The following PLCB4 variants were observed in gnomAD, a reference collection of about 807,000 sequenced individuals.
PLCB4 encodes the protein 1-phosphatidylinositol 4,5-bisphosphate phosphodiesterase beta-4.
In PLCB4, 77 loss-of-function variants were observed where a neutral mutation model predicts 178.8. That is an observed-to-expected ratio of 0.43 (90% CI 0.36 to 0.52). The LOEUF is 0.52. Ranked by LOEUF, PLCB4 falls within the 20% of genes least tolerant of loss-of-function variation. The probability of loss-of-function intolerance (pLI) is 0.00; values close to 1 mark genes in which losing one functional copy is unlikely to be tolerated. For synonymous variants in PLCB4, 496 were observed against 490.8 expected (o/e 1.01, Z -0.14); for missense variants, 1,024 against 1,453.4 (o/e 0.70, Z 4.80).
At chr20:9,380,835 G>A (rs2037081539) in intron 13 of PLCB4, among the ~76,000 whole-genome samples, 1 of 152,150 alleles carries the variant, frequency 6.6e-6, no homozygotes, top group African/African-American at 2.4e-5. Flanking sequence ...AGCCTTTGGC[G>A]TTATGTCTCA....
chr20:9,396,686 AG>A (rs1955889357), intron 19 of PLCB4, among the ~76,000 whole-genome samples: 1 of 152,240 alleles, frequency 6.6e-6, no homozygotes, highest in Admixed American at 6.5e-5. Flanking sequence ...TTGCAGATTC[AG>A]TTCTAGACCA....
chr20:9,437,577 A>G (rs1189426105), intron 30 of PLCB4, among the ~76,000 whole-genome samples: 1 of 152,150 alleles, frequency 6.6e-6, no homozygotes, highest in Non-Finnish European at 1.5e-5. Flanking sequence ...TGTGCTGGTT[A>G]TTTTAATTGG....
At chr20:9,193,069 A>G (rs2093425673) in intron 2 of PLCB4, among the ~76,000 whole-genome samples, 1 of 152,202 alleles carries the variant, frequency 6.6e-6, no homozygotes, top group African/African-American at 2.4e-5. Flanking sequence ...TTAACTATGC[A>G]TGTTCACTCA....
At chr20:9,098,739 A>ATG (rs764119420) in intron 2 of PLCB4, among the ~76,000 whole-genome samples, 10 of 49,254 alleles carry the variant, frequency 2.0e-4, no homozygotes, top group African/African-American at 6.5e-4. Context: ...ATATATACAT[A>ATG]TATGTGTGTG....
chr20:9,319,602 T>G (rs1425641664), intron 4 of PLCB4, among the ~76,000 whole-genome samples: 1 of 152,128 alleles, frequency 6.6e-6, no homozygotes, highest in Non-Finnish European at 1.5e-5. Context: ...GGTGTGTAAG[T>G]GTCAGTTGAG....
At chr20:9,364,996 G>A (rs2148252523) in intron 8 of PLCB4, among the ~76,000 whole-genome samples, 1 of 152,274 alleles carries the variant, frequency 6.6e-6, no homozygotes, top group South Asian at 2.1e-4. Context: ...GCTGGCTGCT[G>A]TCACCGTGCA....
At chr20:9,133,926 G>A (rs1412865515) in intron 2 of PLCB4, among the ~76,000 whole-genome samples, 3 of 152,158 alleles carry the variant, frequency 2.0e-5, no homozygotes, top group South Asian at 2.1e-4. Flanking sequence ...GAGAGACAAC[G>A]TAAGACATGC....
In PLCB4 at chr20:9,296,938, A is replaced by C. The variant is rs909001892; in HGVS notation, c.-15-10862A>C. ...ACAAGTTGATGGGTGCAGCACACCA[A>C]CATGGCACATGTATACATATGTAAC... On this transcript the variant is annotated intron_variant, in intron 3 of 39. Coordinates refer to ENST00000378473, the MANE Select transcript of PLCB4 (RefSeq NM_001377142.1). 2.6e-5 allele frequency among the ~76,000 whole-genome samples: 4 copies of C among 152,224 alleles called. No homozygotes were observed. The South Asian group carries it at 8.3e-4, about 32-fold the overall frequency.
chr20:9,465,121 T>G (rs113795928), intron 35 of PLCB4, among the ~76,000 whole-genome samples: 19,222 of 152,196 alleles, frequency 0.13, 1,797 homozygotes, highest in East Asian at 0.49. Context: ...GGGATGCAAG[T>G]CTGGTTCAAC....
chr20:9,174,689 A>G (rs1029975230), intron 2 of PLCB4, among the ~76,000 whole-genome samples: 1 of 152,026 alleles, frequency 6.6e-6, no homozygotes. Flanking sequence ...CTTCTTGTTA[A>G]TCACTAGTCC....
chr20:9,355,549 G>GT (rs1323171142), intron 7 of PLCB4, among the ~76,000 whole-genome samples: 4 of 151,468 alleles, frequency 2.6e-5, no homozygotes, highest in Admixed American at 1.3e-4. Flanking sequence ...TCGGTGTTTG[G>GT]TTTTTTTTGT....
chr20:9,127,946 C>A (rs543896359), intron 2 of PLCB4, among the ~76,000 whole-genome samples: 2 of 152,210 alleles, frequency 1.3e-5, no homozygotes, highest in African/African-American at 4.8e-5. Context: ...CTCGGCCTCC[C>A]AAAGTGCTGG....
intron 3 of PLCB4, among the ~76,000 whole-genome samples, chr20:9,240,450 A>G (rs150112980): frequency 1.8e-3 from 281 of 152,280 alleles, no homozygotes; most frequent in African/African-American, 6.4e-3. Flanking sequence ...CCTTCTGCCC[A>G]GTTTTCCCTT....
At chr20:9,468,741 G>T in intron 36 of PLCB4, 69 bp downstream of exon 36, 1 of 871,094 alleles carries the variant, frequency 1.1e-6, no homozygotes, top group Non-Finnish European at 1.9e-6. Context: ...CTTTCTTTAT[G>T]TGTGTACACA....
chr20:9,247,909 A>G (rs1256074080), intron 3 of PLCB4, among the ~76,000 whole-genome samples: 7 of 152,138 alleles, frequency 4.6e-5, no homozygotes, highest in Non-Finnish European at 2.9e-5. Context: ...AATATTTTTT[A>G]TTTCTTAAAA....
At position 9,444,295 on chromosome 20, in the gene PLCB4, T is replaced by C. The variant is rs1026013928; in HGVS notation, c.2880+52T>C. 8 of 1,121,850 alleles carry C rather than the reference T, an allele frequency of 7.1e-6. No individual in the cohort carries two copies. In the Admixed American group the frequency reaches 1.2e-4, roughly 16 times the overall value. The allele number at this position is 1,121,850 out of a possible 1,614,324, so 69.5% of individuals were successfully genotyped here. A position where few individuals can be genotyped will look rare whatever the true frequency, so the allele number is the denominator to read the frequency against. ...GTGTTATGTATGGATGAATCATTTG[T>C]AGCCAAAAACACTACTTTGAAGCTG... On this transcript the variant is annotated intron_variant, in intron 32 of 39. Coordinates refer to ENST00000378473, the MANE Select transcript of PLCB4 (RefSeq NM_001377142.1).
intron 4 of PLCB4, among the ~76,000 whole-genome samples, chr20:9,323,852 A>G (rs1298138163): frequency 6.6e-6 from 1 of 152,116 alleles, no homozygotes; most frequent in African/African-American, 2.4e-5. Flanking sequence ...TGCAGCTGCA[A>G]TCCAGCAATG....
At chr20:9,379,803 A>G (rs962172806) in intron 12 of PLCB4, among the ~76,000 whole-genome samples, 1 of 152,148 alleles carries the variant, frequency 6.6e-6, no homozygotes, top group Non-Finnish European at 1.5e-5. Context: ...GTATCCTTCA[A>G]CTTTTGAAGG....
chr20:9,335,071 C>G lies in PLCB4; in HGVS notation c.85-2055C>G, dbSNP rs978197961. On this transcript the variant is annotated intron_variant, in intron 4 of 39. Transcript: ENST00000378473. Reference sequence around the variant, plus strand: ...CACATAAGAATGATAGTGGCTGATTCTTTGTGGATCTACTCTGTAAACACC... The same window carrying G: ...CACATAAGAATGATAGTGGCTGATTGTTTGTGGATCTACTCTGTAAACACC... Among the ~76,000 whole-genome samples the G allele has an allele frequency of 9.2e-5, 14 of 152,038 alleles. No homozygotes were observed. The East Asian group carries it at 2.7e-3, about 29-fold the overall frequency.
Sources: allele counts gnomAD v4.1 joint callset (sites outside exome capture counted in the v4.1 genomes callset), GRCh38; gene constraint gnomAD v4.1.1; transcripts MANE v1.5; gene names NCBI Gene and HGNC (gene_info 2026-07-23, HGNC 2026-07-21).